The following CBLB variants were observed in gnomAD, a reference collection of about 807,000 sequenced individuals.
The protein encoded by CBLB is Cbl proto-oncogene B.
In CBLB, 31 loss-of-function variants were observed where a neutral mutation model predicts 104.9. That is an observed-to-expected ratio of 0.30 (90% CI 0.22 to 0.40). The LOEUF (loss-of-function observed/expected upper bound fraction) is 0.40. Ranked by LOEUF, CBLB falls within the 10% of genes least tolerant of loss-of-function variation. The probability of loss-of-function intolerance (pLI) is 1.00; values close to 1 mark genes in which losing one functional copy is unlikely to be tolerated. For synonymous variants in CBLB, 440 were observed against 422.6 expected, an observed-to-expected ratio of 1.04 and a Z score of -0.51; for missense variants, 1,062 against 1,214.6, an observed-to-expected ratio of 0.87 and a Z score of 1.87.
intron 12 of CBLB, among the ~76,000 whole-genome samples, chr3:105,697,554 T>G (rs2068541986): frequency 1.3e-5 from 2 of 151,998 alleles, no homozygotes. Context: ...AACGTCAGAC[T>G]GTACATGAAA....
intron 3 of CBLB, among the ~76,000 whole-genome samples, chr3:105,827,232 AGTAAATGAC>A (rs2086722725): frequency 3.1e-5 from 1 of 31,982 alleles, no homozygotes; most frequent in Non-Finnish European, 1.2e-4. Context: ...CCATCCCCAG[AGTAAATGAC>A]GTAAGTAACC....
chr3:105,869,078 C>A, upstream of CBLB: 3 of 1,043,464 alleles, frequency 2.9e-6, no homozygotes, highest in South Asian at 5.5e-5. Context: ...CGGGGCCGGG[C>A]GCCGCTGAGC....
At chr3:105,731,533 G>T (rs536784448) in intron 9 of CBLB, among the ~76,000 whole-genome samples, 2 of 152,248 alleles carry the variant, frequency 1.3e-5, no homozygotes, top group Admixed American at 6.5e-5. Context: ...GAAGTATATA[G>T]AAAGTAAAAT....
intron 3 of CBLB, among the ~76,000 whole-genome samples, chr3:105,843,454 A>T (rs1490042611): frequency 6.6e-6 from 1 of 152,190 alleles, no homozygotes; most frequent in Non-Finnish European, 1.5e-5. Flanking sequence ...TCCTCCAGAG[A>T]TTATCACAAA....
In CBLB at chr3:105,788,331, G is replaced by A. The variant is rs146784062; in HGVS notation, c.420-11789C>T. 2.8e-3 allele frequency among the ~76,000 whole-genome samples: 433 copies of A among 152,068 alleles called. 6 individuals are homozygous for A. The highest frequency in any genetic ancestry group is 9.0e-3 in the African/African-American group (372 of 41,474). On this transcript the variant is annotated intron_variant, in intron 3 of 18. Coordinates refer to ENST00000394030, the MANE Select transcript of CBLB (RefSeq NM_170662.5). ...ACCATTGAAGGTAATATATTACAAC[G>A]GTGAAAAGCTCCAGCTCTAAAGTAA...
chr3:105,822,360 T>C (rs2085989250), intron 3 of CBLB, among the ~76,000 whole-genome samples: 1 of 152,174 alleles, frequency 6.6e-6, no homozygotes, highest in Admixed American at 6.6e-5. Flanking sequence ...CAGGTCCTAT[T>C]CTCAGGATGA....
At chr3:105,816,473 C>A (rs1361426653) in intron 3 of CBLB, among the ~76,000 whole-genome samples, 2 of 152,114 alleles carry the variant, frequency 1.3e-5, no homozygotes, top group Non-Finnish European at 2.9e-5. Flanking sequence ...CCTGGGTATA[C>A]CTAAGGTTAC....
chr3:105,790,168 T>C (rs1320910235), intron 3 of CBLB, among the ~76,000 whole-genome samples: 1 of 152,244 alleles, frequency 6.6e-6, no homozygotes, highest in Non-Finnish European at 1.5e-5. Context: ...AAACAAATTT[T>C]AATATTTCTG....
At position 105,844,391 on chromosome 3, in the gene CBLB, C is replaced by T. The variant is rs376951152; in HGVS notation, c.419+9023G>A. On this transcript the variant is annotated intron_variant, in intron 3 of 18. Transcript: ENST00000394030. ...ATGTGAAAGTGGTATATTATAATCACATGATCAGATGTTCAAAGTAATACA... is the reference window on the plus strand; with the variant it reads ...ATGTGAAAGTGGTATATTATAATCATATGATCAGATGTTCAAAGTAATACA... 7.2e-5 allele frequency among the ~76,000 whole-genome samples: 11 copies of T among 152,334 alleles called. No homozygotes were observed. The South Asian group carries it at 1.9e-3, about 26-fold the overall frequency.
intron 5 of CBLB, chr3:105,749,730 T>C (rs779138297): frequency 1.3e-5 from 4 of 309,646 alleles, no homozygotes; most frequent in South Asian, 1.0e-4. Context: ...TGTATCATGT[T>C]AAATAAATAA....
At chr3:105,801,307 G>C (rs1415837168) in intron 3 of CBLB, among the ~76,000 whole-genome samples, 1 of 152,138 alleles carries the variant, frequency 6.6e-6, no homozygotes, top group Non-Finnish European at 1.5e-5. Context: ...TAATCACTGT[G>C]TAAAATACCC....
At chr3:105,825,040 T>C (rs1202675936) in intron 3 of CBLB, among the ~76,000 whole-genome samples, 2 of 152,206 alleles carry the variant, frequency 1.3e-5, no homozygotes, top group African/African-American at 4.8e-5. Flanking sequence ...TATCACTAAC[T>C]GAAATTATAG....
rs115411423 is a variant in CBLB at position 105,695,000 on chromosome 3, A to C, written c.1960-1412T>G. 6.4e-3 allele frequency among the ~76,000 whole-genome samples: 965 copies of C among 151,958 alleles called. 12 individuals are homozygous for C. Among genetic ancestry groups the C allele is most frequent in the African/African-American group, 0.022 (918 of 41,544 alleles). Reference sequence around the variant, plus strand: ...AAGGCCTTTTAACAGACAAACACACATATCAAACCACAAACGCTCATTGTG... The same window carrying C: ...AAGGCCTTTTAACAGACAAACACACCTATCAAACCACAAACGCTCATTGTG... On this transcript the variant is annotated intron_variant, in intron 12 of 18. Coordinates refer to ENST00000394030, the MANE Select transcript of CBLB (RefSeq NM_170662.5).
At chr3:105,807,228 C>T (rs2083624556) in intron 3 of CBLB, among the ~76,000 whole-genome samples, 1 of 152,128 alleles carries the variant, frequency 6.6e-6, no homozygotes, top group Non-Finnish European at 1.5e-5. Context: ...AAAGATTAGT[C>T]ACTTATTTTC....
rs530710092 is a variant in CBLB at position 105,868,992 on chromosome 3, G to A, written c.-271C>T. 16 of 1,057,058 alleles carry A rather than the reference G, an allele frequency of 1.5e-5. No homozygotes were observed. Among genetic ancestry groups the A allele is most frequent in the East Asian group, 2.2e-4 (2 of 9,300 alleles). 65.5% of individuals were successfully genotyped at this position (1,057,058 alleles called of 1,614,324 possible). On this transcript the variant is annotated 5_prime_UTR_variant, in exon 1 of 19. Coordinates refer to ENST00000394030, the MANE Select transcript of CBLB (RefSeq NM_170662.5). ...GGACGCCGCAGCAGCACTAGCAGGA[G>A]GAGGAGACCGCTCGCTGGACACCCC...
chr3:105,735,551 T>C (rs943673766), intron 8 of CBLB, among the ~76,000 whole-genome samples: 5 of 152,218 alleles, frequency 3.3e-5, no homozygotes, highest in Admixed American at 6.5e-5. Context: ...ATTTTTTTAA[T>C]GGCTTTATAA....
At chr3:105,690,023 G>A (rs767233587) in intron 13 of CBLB, among the ~76,000 whole-genome samples, 1 of 2,730 alleles carries the variant, frequency 3.7e-4, no homozygotes, top group East Asian at 0.014. Flanking sequence ...AGTTTAACAG[G>A]AAACACTATG....
intron 9 of CBLB, among the ~76,000 whole-genome samples, chr3:105,723,216 G>A (rs2073135227): frequency 6.6e-6 from 1 of 152,146 alleles, no homozygotes; most frequent in Non-Finnish European, 1.5e-5. Flanking sequence ...AAATACACAT[G>A]AAGAATGTCT....
rs12492643 is a variant in CBLB at position 105,659,029 on chromosome 3, G to A, written c.2890C>T (p.Arg964Trp). The A allele has an allele frequency of 1.0e-4, 161 of 1,613,760 alleles. No homozygotes were observed. In the Admixed American group the frequency reaches 2.3e-3, roughly 23 times the overall value. Reference sequence around the variant, plus strand: ...AAGGCAAATTCTCGGAGGATGCTCCGGGCAACTTCGACATTATTCTGGGCT... The same window carrying A: ...AAGGCAAATTCTCGGAGGATGCTCCAGGCAACTTCGACATTATTCTGGGCT... ...EIAQNNVEVA[R>W]SILREFAFPP... The change falls in exon 19 of 19, where the codon CGG (arginine) becomes TGG (tryptophan). Residue 964 changes from arginine to tryptophan, a missense_variant. Transcript: ENST00000394030.
Sources: gnomAD v4.1 joint callset for allele counts (sites outside exome capture counted in the v4.1 genomes callset) on GRCh38, gnomAD v4.1.1 for gene constraint, MANE v1.5 for transcripts, NCBI Gene and HGNC (gene_info 2026-07-23, HGNC 2026-07-21) for gene names.